ATP8A2: variants seen among roughly 807,000 people sequenced by gnomAD.
ATP8A2 encodes the protein ATPase phospholipid transporting 8A2.
In ATP8A2, 100 loss-of-function variants were observed where a neutral mutation model predicts 165.6. The ratio of observed to expected loss-of-function variants is 0.60; its 90% CI spans 0.51 to 0.71. The LOEUF (loss-of-function observed/expected upper bound fraction) is 0.71. Ranked by LOEUF, ATP8A2 falls within the 30% of genes least tolerant of loss-of-function variation. The pLI, the probability that ATP8A2 is intolerant of heterozygous loss-of-function variation, is 0.00. For missense variants in ATP8A2, 1,227 were observed against 1,479.5 expected, an observed-to-expected ratio of 0.83 and a Z score of 2.80; for synonymous variants, 543 against 548.8, an observed-to-expected ratio of 0.99 and a Z score of 0.15.
chr13:25,608,819 C>T (rs1421291523), intron 24 of ATP8A2, among the ~76,000 whole-genome samples: 1 of 152,160 alleles, frequency 6.6e-6, no homozygotes, highest in Non-Finnish European at 1.5e-5. Flanking sequence ...TTTTGGAGAA[C>T]TGATTTTCAT....
chr13:25,899,986 C>T (rs1010882625), intron 33 of ATP8A2, among the ~76,000 whole-genome samples: 5 of 151,992 alleles, frequency 3.3e-5, no homozygotes, highest in Middle Eastern at 3.2e-3. Context: ...CAGCTGTGTT[C>T]GAGGATGCTG....
rs1015810479 is a variant in ATP8A2, at chr13:25,576,990, T to G, written c.1713-79T>G. 4.3e-6 allele frequency: 5 copies of G among 1,161,112 alleles called. No homozygotes were observed. In the African/African-American group the frequency reaches 7.7e-5, roughly 18 times the overall value. 71.9% of individuals were successfully genotyped at this position (1,161,112 alleles called of 1,614,324 possible). On this transcript the variant is annotated intron_variant, in intron 19 of 36. Transcript: ENST00000381655. ...TTTTTAGGAACCCCAGACCCCCTTT[T>G]GTTTTGATTGGTGTTCAGCTGTGGG...
intron 1 of ATP8A2, among the ~76,000 whole-genome samples, chr13:25,380,006 A>G (rs2032781284): frequency 6.6e-6 from 1 of 152,198 alleles, no homozygotes; most frequent in Non-Finnish European, 1.5e-5. Context: ...GCAACTGAGA[A>G]GGGTTCTCGG....
At chr13:25,963,793 G>A (rs1030553727) in intron 34 of ATP8A2, among the ~76,000 whole-genome samples, 22 of 152,178 alleles carry the variant, frequency 1.4e-4, no homozygotes, top group African/African-American at 5.1e-4. Flanking sequence ...TTTCCAGTGC[G>A]TTCTGAGTAA....
chr13:25,425,583 C>T (rs1593289678), intron 1 of ATP8A2, among the ~76,000 whole-genome samples: 1 of 112,196 alleles, frequency 8.9e-6, no homozygotes, highest in Non-Finnish European at 2.0e-5. Flanking sequence ...TCTTTCTTTC[C>T]TTTTTTTTTG....
At chr13:25,519,584 A>T (rs1233910803) in intron 2 of ATP8A2, among the ~76,000 whole-genome samples, 3 of 152,128 alleles carry the variant, frequency 2.0e-5, no homozygotes, top group African/African-American at 4.8e-5. Context: ...TTCAGGAAAC[A>T]CTGGCCTCAT....
intron 24 of ATP8A2, among the ~76,000 whole-genome samples, chr13:25,616,326 C>CTT (rs535891442): frequency 0.016 from 1,729 of 106,700 alleles, 36 homozygotes; most frequent in Non-Finnish European, 0.024. Context: ...TTCTTTCTTT[C>CTT]TTTTTTTTTT....
chr13:25,934,495 G>A (rs1954836225), intron 33 of ATP8A2, among the ~76,000 whole-genome samples: 1 of 152,222 alleles, frequency 6.6e-6, no homozygotes, highest in Admixed American at 6.5e-5. Flanking sequence ...CCGGTCAGCA[G>A]TGTGACCTTA....
At chr13:25,428,137 T>C (rs1467592747) in intron 1 of ATP8A2, among the ~76,000 whole-genome samples, 3 of 152,036 alleles carry the variant, frequency 2.0e-5, no homozygotes, top group Admixed American at 2.0e-4. Context: ...TCAGCTGTGA[T>C]GGTACCACTG....
intron 1 of ATP8A2, among the ~76,000 whole-genome samples, chr13:25,414,186 G>GTTTTTTTTTTTTTTTTTTTTTT (rs10528594): frequency 8.4e-6 from 1 of 119,054 alleles, no homozygotes; most frequent in African/African-American, 3.1e-5. Flanking sequence ...GGGCTGTGGT[G>GTTTTTTTTTTTTTTTTTTTTTT]TTTTTTTTTT....
At chr13:25,469,659 T>A (rs147370929) in intron 2 of ATP8A2, among the ~76,000 whole-genome samples, 13 of 152,354 alleles carry the variant, frequency 8.5e-5, no homozygotes, top group African/African-American at 3.1e-4. Flanking sequence ...TTTAAATGTC[T>A]ACTTTTGCTG....
chr13:25,733,531 G>A (rs1291087030), intron 25 of ATP8A2, among the ~76,000 whole-genome samples: 2 of 149,586 alleles, frequency 1.3e-5, no homozygotes, highest in South Asian at 2.1e-4. Flanking sequence ...GGGAACCTCT[G>A]TCATTAGCAC....
intron 24 of ATP8A2, among the ~76,000 whole-genome samples, chr13:25,671,953 C>T (rs2042273153): frequency 6.6e-6 from 1 of 152,188 alleles, no homozygotes; most frequent in Non-Finnish European, 1.5e-5. Context: ...TGTGATGTCT[C>T]CCCCGGATGC....
chr13:25,457,437 A>G (rs1248296262), intron 1 of ATP8A2, among the ~76,000 whole-genome samples: 8 of 152,236 alleles, frequency 5.3e-5, no homozygotes, highest in Non-Finnish European at 1.0e-4. Context: ...TGATTCTTAT[A>G]GTAACAAAAA....
At chr13:25,542,480 C>T (rs1482111113) in intron 9 of ATP8A2, among the ~76,000 whole-genome samples, 1 of 150,084 alleles carries the variant, frequency 6.7e-6, no homozygotes, top group Non-Finnish European at 1.5e-5. Context: ...TTAGAATATT[C>T]AGTGCCCTCC....
intron 6 of ATP8A2, among the ~76,000 whole-genome samples, chr13:25,533,762 G>A (rs988736330): frequency 6.6e-6 from 1 of 152,148 alleles, no homozygotes; most frequent in Non-Finnish European, 1.5e-5. Flanking sequence ...ATAATAGCAA[G>A]GAAAGCTTTG....
At chr13:25,747,332 G>A (rs1300040841) in intron 25 of ATP8A2, among the ~76,000 whole-genome samples, 1 of 152,224 alleles carries the variant, frequency 6.6e-6, no homozygotes, top group Non-Finnish European at 1.5e-5. Context: ...GGACAGTATT[G>A]TGGGAAGGTT....
chr13:25,554,233 C>G (rs957733413), intron 12 of ATP8A2, among the ~76,000 whole-genome samples: 3 of 152,076 alleles, frequency 2.0e-5, no homozygotes, highest in African/African-American at 7.3e-5. Flanking sequence ...GAAGAAAAGG[C>G]CTCTTGGGTG....
chr13:25,419,500 T>C (rs993771020), intron 1 of ATP8A2, among the ~76,000 whole-genome samples: 5 of 126,588 alleles, frequency 3.9e-5, no homozygotes, highest in African/African-American at 2.0e-4. Context: ...TATGCTGTTT[T>C]AGCATTTTTT....
Sources: allele counts gnomAD v4.1 joint callset (sites outside exome capture counted in the v4.1 genomes callset), GRCh38; gene constraint gnomAD v4.1.1; transcripts MANE v1.5; gene names NCBI Gene and HGNC (gene_info 2026-07-23, HGNC 2026-07-21).